The following SLC6A11 variants were observed in gnomAD, a reference collection of about 807,000 sequenced individuals.
SLC6A11 encodes the protein solute carrier family 6 member 11, also known as sodium- and chloride-dependent GABA transporter 3.
A neutral mutation model predicts 74.8 loss-of-function variants in SLC6A11; 25 were observed. That is an observed-to-expected ratio of 0.33 (90% CI 0.24 to 0.47). SLC6A11 has a LOEUF of 0.47. SLC6A11 is among the 20% of genes least tolerant of loss of function. The probability of loss-of-function intolerance (pLI) is 1.00; values close to 1 mark genes in which losing one functional copy is unlikely to be tolerated. For missense variants in SLC6A11, 574 were observed against 837.0 expected, an observed-to-expected ratio of 0.69 and a Z score of 3.88; for synonymous variants, 330 against 330.2, an observed-to-expected ratio of 1.00 and a Z score of 0.01.
At chr3:10,932,677 C>G (rs189053432) in intron 10 of SLC6A11, among the ~76,000 whole-genome samples, 27 of 152,264 alleles carry the variant, frequency 1.8e-4, no homozygotes, top group African/African-American at 6.5e-4. Context: ...GGGCAGCAGC[C>G]GTGACTAGCA....
Position 10,821,166 on chromosome 3 carries a change from C to T in SLC6A11, c.532+1314C>T, listed in dbSNP as rs1172447036. Among the ~76,000 whole-genome samples, 3 of 152,134 alleles carry T rather than the reference C, an allele frequency of 2.0e-5. No homozygotes were observed. The East Asian group carries it at 5.8e-4, about 29-fold the overall frequency. On this transcript the variant is annotated intron_variant, in intron 3 of 13. Transcript: ENST00000254488. ...TGTTTATCAAACTAAAATTCAAGGA[C>T]AATTTCTTGGAGGCCTGTGAGTCCT... is the stretch of plus-strand genomic sequence containing the variant.
Position 10,926,039 on chromosome 3 carries a change from G to T in SLC6A11, c.1156G>T (p.Val386Phe). The change falls in exon 9 of 14, where the codon GTC (valine) becomes TTC (phenylalanine). Residue 386 changes from valine to phenylalanine, a missense_variant. Val to Phe is a conservative substitution (Grantham distance 50, BLOSUM62 -1). Transcript: ENST00000254488. This position sits in a 1 kb window ranked among gnomAD's most constrained non-coding sequence, Gnocchi z 5.7. ...GLAFIAYPKA[V>F]TMMPLSPLWA... The stretch of plus-strand genomic sequence containing the variant: ...GGCCTTTATTGCGTACCCCAAGGCG[G>T]TCACCATGATGCCTCTCTCCCCGCT... 2 of 1,613,482 alleles carry T rather than the reference G, an allele frequency of 1.2e-6. No homozygotes were observed. The highest frequency in any genetic ancestry group is 1.7e-6 in the Non-Finnish European group (2 of 1,179,544).
Position 10,930,031 on chromosome 3 carries a change from C to T in SLC6A11, c.1371+692C>T, listed in dbSNP as rs553125285. Among the ~76,000 whole-genome samples the T allele has an allele frequency of 1.1e-4, 16 of 152,262 alleles. No homozygotes were observed. The South Asian group carries it at 3.3e-3, about 32-fold the overall frequency. ...ATTAATTTAAAAACAAAAAAAAGAA[C>T]TGTTGCCTAGAAACAAGAATAGGTT... is the stretch of plus-strand genomic sequence containing the variant. On this transcript the variant is annotated intron_variant, in intron 10 of 13. Coordinates refer to ENST00000254488, the MANE Select transcript of SLC6A11 (RefSeq NM_014229.3).
intron 6 of SLC6A11, among the ~76,000 whole-genome samples, chr3:10,880,036 T>G (rs1266059747): frequency 6.6e-6 from 1 of 152,058 alleles, no homozygotes; most frequent in Non-Finnish European, 1.5e-5. Flanking sequence ...GTAGTGCAGG[T>G]GGAAGGTGGC....
At chr3:10,911,825 C>T (rs1273774236) in intron 6 of SLC6A11, among the ~76,000 whole-genome samples, 1 of 152,164 alleles carries the variant, frequency 6.6e-6, no homozygotes, top group Non-Finnish European at 1.5e-5. Flanking sequence ...GGGTCCTAAG[C>T]ATTCAAATTC....
intron 10 of SLC6A11, among the ~76,000 whole-genome samples, chr3:10,931,187 G>A (rs897145853): frequency 6.6e-6 from 1 of 152,232 alleles, no homozygotes; most frequent in African/African-American, 2.4e-5. Flanking sequence ...ATGACCTGCA[G>A]AAGGTGTTGT....
chr3:10,929,192 C>T lies in SLC6A11; in HGVS notation c.1234-10C>T, dbSNP rs368645213. Reference sequence around the variant, plus strand: ...CCTTGAGTTTCACACCATCATATCTCCCCATCCAGTTTGTGTGTGTGGAAA... The same window carrying T: ...CCTTGAGTTTCACACCATCATATCTTCCCATCCAGTTTGTGTGTGTGGAAA... On this transcript the variant is annotated splice_polypyrimidine_tract_variant and intron_variant, in intron 9 of 13. Coordinates refer to ENST00000254488, the MANE Select transcript of SLC6A11 (RefSeq NM_014229.3). 87 of 1,613,408 alleles carry T rather than the reference C, an allele frequency of 5.4e-5. No individual in the cohort carries two copies. Among genetic ancestry groups the T allele is most frequent in the Middle Eastern group, 3.3e-4 (2 of 6,000 alleles).
chr3:10,938,165 C>CT, intron 13 of SLC6A11, 85 bp from the exon 14 acceptor site: 4 of 1,291,590 alleles, frequency 3.1e-6, no homozygotes, highest in Non-Finnish European at 4.2e-6. Context: ...CCCAGATGTC[C>CT]GCCGTGTGCT....
chr3:10,862,321 G>A (rs1360095473), intron 5 of SLC6A11, among the ~76,000 whole-genome samples: 2 of 152,098 alleles, frequency 1.3e-5, no homozygotes, highest in African/African-American at 4.8e-5. Flanking sequence ...ATGTTGCTTG[G>A]GCTTGTTTTC....
chr3:10,834,258 C>T (rs1324161240), intron 4 of SLC6A11, among the ~76,000 whole-genome samples: 1 of 152,198 alleles, frequency 6.6e-6, no homozygotes, highest in African/African-American at 2.4e-5. Flanking sequence ...GGTCAGCTGC[C>T]TGCTTTATCC....
At chr3:10,878,262 A>G (rs1333758358) in intron 6 of SLC6A11, among the ~76,000 whole-genome samples, 1 of 151,964 alleles carries the variant, frequency 6.6e-6, no homozygotes, top group Admixed American at 6.6e-5. Context: ...CATTCCAGGT[A>G]TTGACCTCCT....
At chr3:10,828,708 G>A (rs1475575218) in intron 4 of SLC6A11, among the ~76,000 whole-genome samples, 2 of 152,126 alleles carry the variant, frequency 1.3e-5, no homozygotes, top group Non-Finnish European at 2.9e-5. Flanking sequence ...TAATTCAAAT[G>A]TCAGTGTCAT....
chr3:10,876,093 C>A (rs537343224), intron 6 of SLC6A11, among the ~76,000 whole-genome samples: 1 of 152,332 alleles, frequency 6.6e-6, no homozygotes, highest in East Asian at 1.9e-4. Context: ...TTCAAGTCTG[C>A]GATCTGTGGC....
chr3:10,885,386 G>T (rs1406829160), intron 6 of SLC6A11, among the ~76,000 whole-genome samples: 1 of 151,982 alleles, frequency 6.6e-6, no homozygotes, highest in Non-Finnish European at 1.5e-5. Context: ...ATCTCATCAG[G>T]GCTTGGCTTT....
intron 5 of SLC6A11, among the ~76,000 whole-genome samples, chr3:10,850,341 C>T (rs781142597): frequency 1.3e-5 from 2 of 152,200 alleles, no homozygotes; most frequent in Non-Finnish European, 2.9e-5. Context: ...AGAGGTTGCT[C>T]ATTTGCTCGC....
intron 3 of SLC6A11, among the ~76,000 whole-genome samples, chr3:10,821,200 A>G (rs1371470698): frequency 6.6e-6 from 1 of 152,188 alleles, no homozygotes. Context: ...CTCTAGGGTA[A>G]TTTAATTGTG....
rs749861955 is a variant in SLC6A11 at position 10,816,405 on chromosome 3, T to C, written c.140T>C (p.Val47Ala). The C allele has an allele frequency of 1.2e-5, 19 of 1,588,724 alleles. No homozygotes were observed. The highest frequency in any genetic ancestry group is 1.7e-5 in the Admixed American group (1 of 57,588). The change falls in exon 1 of 14, where the codon GTC (valine) becomes GCC (alanine). Residue 47 changes from valine (V) to alanine (A), a missense_variant. Coordinates refer to ENST00000254488, the MANE Select transcript of SLC6A11 (RefSeq NM_014229.3). This position sits in a 1 kb window ranked among gnomAD's most constrained non-coding sequence, Gnocchi z 4.2. The stretch of plus-strand genomic sequence containing the variant: ...CCGCGCGTCAAGCGCGACAAGGCGG[T>C]CCACGAGCGCGGCCACTGGAACAAC... ...RHPRVKRDKA[V>A]HERGHWNNKV...
At chr3:10,931,942 C>A (rs904147999) in intron 10 of SLC6A11, among the ~76,000 whole-genome samples, 4 of 152,174 alleles carry the variant, frequency 2.6e-5, no homozygotes, top group African/African-American at 9.7e-5. Context: ...CAAGGAAGTC[C>A]CCATGGCAGG....
intron 5 of SLC6A11, among the ~76,000 whole-genome samples, chr3:10,851,935 T>G (rs1694581245): frequency 6.6e-6 from 1 of 152,182 alleles, no homozygotes; most frequent in African/African-American, 2.4e-5. Context: ...CAAGGTGGGC[T>G]GGAGCACCAG....
Sources: gnomAD v4.1 joint callset for allele counts (sites outside exome capture counted in the v4.1 genomes callset) on GRCh38, gnomAD v4.1.1 for gene constraint, Gnocchi (gnomAD v3.1) non-coding constraint, MANE v1.5 for transcripts, NCBI Gene and HGNC (gene_info 2026-07-23, HGNC 2026-07-21) for gene names.